The following MARCHF10 variants were observed in gnomAD, a reference collection of about 807,000 sequenced individuals.
The protein encoded by MARCHF10 is membrane associated ring-CH-type finger 10.
In MARCHF10, 64 loss-of-function variants were observed where a neutral mutation model predicts 76.2. The ratio of observed to expected loss-of-function variants is 0.84; its 90% CI spans 0.69 to 1.03. MARCHF10 has a LOEUF of 1.03. MARCHF10 is among the 50% of genes least tolerant of loss of function. The probability of loss-of-function intolerance (pLI) is 0.00; values close to 1 mark genes in which losing one functional copy is unlikely to be tolerated. For missense variants in MARCHF10, 875 were observed against 958.0 expected, an observed-to-expected ratio of 0.91 and a Z score of 1.14; for synonymous variants, 340 against 357.5, an observed-to-expected ratio of 0.95 and a Z score of 0.55.
rs1405351409 is a variant in MARCHF10, at chr17:62,738,054, T to A, written c.536-722A>T. The A allele has an allele frequency of 5.3e-5, 4 of 74,930 alleles. No homozygotes were observed. In the East Asian group the frequency reaches 9.3e-4, roughly 17 times the overall value. The allele number at this position is 74,930 out of a possible 1,614,324, so 4.6% of individuals were successfully genotyped here. On this transcript the variant is annotated intron_variant, in intron 5 of 10. Transcript: ENST00000311269. This position sits in a 1 kb window ranked among gnomAD's most constrained non-coding sequence, Gnocchi z 4.0. ...CATGCTAACTGTCTCTCTCTGTCTC[T>A]CTCTGTCACACACACACACACACAC...
intron 2 of MARCHF10, chr17:62,794,927 A>G (rs2092958593): frequency 1.4e-6 from 1 of 734,532 alleles, no homozygotes; most frequent in Non-Finnish European, 1.7e-6. Context: ...TAAGAGGTCA[A>G]GAAATCAAAG....
At chr17:62,785,541 T>A (rs2092730130) in intron 3 of MARCHF10, among the ~76,000 whole-genome samples, 1 of 152,098 alleles carries the variant, frequency 6.6e-6, no homozygotes, top group African/African-American at 2.4e-5. Context: ...CTAATTAAAC[T>A]AAAGAACTTC....
intron 3 of MARCHF10, among the ~76,000 whole-genome samples, chr17:62,783,454 C>G (rs1342510959): frequency 1.3e-5 from 2 of 151,832 alleles, no homozygotes; most frequent in Non-Finnish European, 2.9e-5. Context: ...CCTAACATCA[C>G]AATTAAAAGA....
At chr17:62,702,291 G>A (rs1246116638) in intron 10 of MARCHF10, among the ~76,000 whole-genome samples, 1 of 151,986 alleles carries the variant, frequency 6.6e-6, no homozygotes, top group Non-Finnish European at 1.5e-5. Flanking sequence ...TTTATTCTTC[G>A]GGGAAACTCT....
intron 2 of MARCHF10, 80 bp from the exon 3 acceptor site, chr17:62,788,679 G>A (rs2092787159): frequency 1.3e-6 from 2 of 1,572,276 alleles, no homozygotes; most frequent in Non-Finnish European, 1.7e-6. Flanking sequence ...CCAATGGTGA[G>A]GAGCATGAAA....
rs1418060774 is a variant in MARCHF10, at chr17:62,705,324, A to G, written c.2371+215T>C. On this transcript the variant is annotated intron_variant, in intron 10 of 10. Transcript: ENST00000311269. ...GTTGGCGCCTTTCCTTGCGTTCAGG[A>G]TGAATTAAAATTCTTATCTGCTCTG... 1.0e-5 allele frequency: 15 copies of G among 1,478,802 alleles called. No individual in the cohort carries two copies. In the South Asian group the frequency reaches 1.6e-4, roughly 16 times the overall value. The allele number at this position is 1,478,802 out of a possible 1,614,324, so 91.6% of individuals were successfully genotyped here. A position where few individuals can be genotyped will look rare whatever the true frequency, so the allele number is the denominator to read the frequency against.
Position 62,735,916 on chromosome 17 carries a change from A to C in MARCHF10, c.1937+15T>G. 1.3e-6 allele frequency: 2 copies of C among 1,581,080 alleles called. No homozygotes were observed. The highest frequency in any genetic ancestry group is 1.7e-6 in the Non-Finnish European group (2 of 1,172,148). Reference sequence around the variant, plus strand: ...GGGAAAGTGGAAAAAATATATAATTATGAAAAGTCCTCACCTTTCTTGCAA... The same window carrying C: ...GGGAAAGTGGAAAAAATATATAATTCTGAAAAGTCCTCACCTTTCTTGCAA... On this transcript the variant is annotated intron_variant, in intron 6 of 10. Transcript: ENST00000311269.
chr17:62,790,247 C>T (rs1389601038), intron 2 of MARCHF10, among the ~76,000 whole-genome samples: 2 of 152,062 alleles, frequency 1.3e-5, no homozygotes, highest in African/African-American at 4.8e-5. Flanking sequence ...ACGATCTTGG[C>T]TCACTGCAAC....
chr17:62,749,347 A>C (rs2091818473), intron 4 of MARCHF10, among the ~76,000 whole-genome samples: 1 of 152,248 alleles, frequency 6.6e-6, no homozygotes, highest in African/African-American at 2.4e-5. Context: ...AAAAGGAAGC[A>C]TAAAAGGGAA....
At chr17:62,806,169 T>C (rs1398679387) in intron 1 of MARCHF10, among the ~76,000 whole-genome samples, 1 of 152,202 alleles carries the variant, frequency 6.6e-6, no homozygotes. Flanking sequence ...CTGTGTTTGC[T>C]TGAAGTTCAT....
chr17:62,752,620 C>T (rs568292043), intron 4 of MARCHF10, among the ~76,000 whole-genome samples: 1 of 139,314 alleles, frequency 7.2e-6, no homozygotes, highest in Admixed American at 7.4e-5. Context: ...CCCACTCCCT[C>T]TTCCTATTCC....
intron 3 of MARCHF10, among the ~76,000 whole-genome samples, chr17:62,765,885 G>A (rs563989565): frequency 6.6e-6 from 1 of 152,178 alleles, no homozygotes; most frequent in Admixed American, 6.5e-5. Context: ...AGCAGTATGT[G>A]GCCAGGAAAT....
chr17:62,766,813 T>TG (rs1243714493), intron 3 of MARCHF10, among the ~76,000 whole-genome samples: 1 of 152,284 alleles, frequency 6.6e-6, no homozygotes, highest in African/African-American at 2.4e-5. Flanking sequence ...CTAGGCTCTG[T>TG]GAAGGATACA....
At chr17:62,702,212 A>G (rs2089284047) in intron 10 of MARCHF10, among the ~76,000 whole-genome samples, 2 of 151,406 alleles carry the variant, frequency 1.3e-5, no homozygotes. Context: ...AGGGAGGGAG[A>G]GCAAGAGGCA....
chr17:62,751,845 A>AC (rs2091906101), intron 4 of MARCHF10, among the ~76,000 whole-genome samples: 1 of 152,088 alleles, frequency 6.6e-6, no homozygotes, highest in Non-Finnish European at 1.5e-5. Flanking sequence ...ACAGGGAGAA[A>AC]CCCCATCTCT....
At chr17:62,779,239 C>T (rs2092610988) in intron 3 of MARCHF10, among the ~76,000 whole-genome samples, 1 of 152,194 alleles carries the variant, frequency 6.6e-6, no homozygotes, top group Admixed American at 6.5e-5. Context: ...CCAGCGTGTG[C>T]ATGCGCGACC....
At chr17:62,702,982 T>C (rs2089341316) in intron 10 of MARCHF10, among the ~76,000 whole-genome samples, 2 of 152,338 alleles carry the variant, frequency 1.3e-5, no homozygotes, top group Admixed American at 1.3e-4. Context: ...CAGGAGGTAT[T>C]GCCCCCACTA....
chr17:62,717,703 A>G (rs934106529), intron 8 of MARCHF10, among the ~76,000 whole-genome samples: 1 of 152,168 alleles, frequency 6.6e-6, no homozygotes, highest in Non-Finnish European at 1.5e-5. Context: ...ATCCTTAGCT[A>G]CAGCGCTCAT....
intron 2 of MARCHF10, 76 bp downstream of exon 2, chr17:62,801,570 C>T (rs924842462): frequency 1.2e-5 from 15 of 1,245,598 alleles, no homozygotes; most frequent in African/African-American, 7.5e-5. Context: ...GCTTATCATA[C>T]GTTGATGCTG....
Sources: allele counts gnomAD v4.1 joint callset (sites outside exome capture counted in the v4.1 genomes callset), GRCh38; gene constraint gnomAD v4.1.1; non-coding constraint Gnocchi (gnomAD v3.1); transcripts MANE v1.5; gene names NCBI Gene and HGNC (gene_info 2026-07-23, HGNC 2026-07-21).